PYGB: variants seen among roughly 807,000 people sequenced by gnomAD.
PYGB encodes the protein glycogen phosphorylase, brain form.
Under a neutral mutation model 94.3 loss-of-function variants are expected in PYGB, and 82 were observed. That is an observed-to-expected ratio of 0.87 (90% CI 0.73 to 1.04). The LOEUF is 1.04. PYGB is among the 50% of genes least tolerant of loss of function. PYGB has a pLI of 0.00. For missense variants in PYGB, 1,132 were observed against 1,158.2 expected (o/e 0.98, Z 0.33); for synonymous variants, 488 against 479.1 (o/e 1.02, Z -0.24).
At chr20:25,270,194 TTG>T (rs1491015835) in intron 3 of PYGB, among the ~76,000 whole-genome samples, 3,690 of 120,920 alleles carry the variant, frequency 0.031, 184 homozygotes, top group African/African-American at 0.14. Flanking sequence ...GAAGTTTTTT[TTG>T]TTTTGTTTTG....
chr20:25,280,022 G>A (rs551048703), intron 9 of PYGB, among the ~76,000 whole-genome samples: 2 of 152,368 alleles, frequency 1.3e-5, no homozygotes, highest in East Asian at 1.9e-4. Context: ...TTATTTGTGT[G>A]TGTGTCACGC....
chr20:25,268,245 GA>G (rs2088236978), intron 2 of PYGB, among the ~76,000 whole-genome samples: 1 of 133,158 alleles, frequency 7.5e-6, no homozygotes, highest in African/African-American at 2.9e-5. Flanking sequence ...ACAGTAATTT[GA>G]AATTTTACCC....
chr20:25,274,226 T>C (rs923225518), intron 4 of PYGB, among the ~76,000 whole-genome samples: 1 of 152,248 alleles, frequency 6.6e-6, no homozygotes. Flanking sequence ...GTGCAGGTGC[T>C]TGTTCTGAAC....
intron 1 of PYGB, among the ~76,000 whole-genome samples, chr20:25,249,643 T>G (rs904055031): frequency 5.3e-5 from 8 of 152,248 alleles, no homozygotes; most frequent in African/African-American, 1.9e-4. Context: ...ACATTCTTTT[T>G]TCTAAAATGG....
chr20:25,256,361 A>G (rs1216682365), intron 1 of PYGB, among the ~76,000 whole-genome samples: 3 of 151,688 alleles, frequency 2.0e-5, no homozygotes, highest in African/African-American at 7.3e-5. Flanking sequence ...CTGGTTGTGT[A>G]GGCTTTGCAT....
intron 1 of PYGB, among the ~76,000 whole-genome samples, chr20:25,258,960 T>A (rs2092907885): frequency 6.6e-6 from 1 of 152,240 alleles, no homozygotes; most frequent in Non-Finnish European, 1.5e-5. Flanking sequence ...CAACCTGCCC[T>A]GCCTCCCCAC....
intron 4 of PYGB, among the ~76,000 whole-genome samples, chr20:25,273,459 C>T (rs7274919): frequency 0.073 from 11,044 of 152,198 alleles, 1,288 homozygotes; most frequent in African/African-American, 0.25. Context: ...AGAGGAAATC[C>T]CTCAGTGTAG....
chr20:25,287,873 C>T (rs976745736), intron 14 of PYGB, among the ~76,000 whole-genome samples: 13 of 151,918 alleles, frequency 8.6e-5, no homozygotes, highest in African/African-American at 3.1e-4. Flanking sequence ...CCCAGCTACT[C>T]AGGAGGCTGA....
At chr20:25,289,534 T>A (rs1302281374) in intron 15 of PYGB, among the ~76,000 whole-genome samples, 1 of 152,010 alleles carries the variant, frequency 6.6e-6, no homozygotes, top group African/African-American at 2.4e-5. Context: ...TAGTCCCAGT[T>A]ACTTGGGAGG....
rs375208083 is a variant in PYGB at position 25,294,256 on chromosome 20, T to C, written c.2276T>C (p.Phe759Ser). 2.0e-5 allele frequency: 28 copies of C among 1,428,830 alleles called. No homozygotes were observed. The highest frequency in any genetic ancestry group is 2.5e-5 in the Non-Finnish European group (27 of 1,064,368). The allele number at this position is 1,428,830 out of a possible 1,614,324, so 88.5% of individuals were successfully genotyped here. A position where few individuals can be genotyped will look rare whatever the true frequency, so the allele number is the denominator to read the frequency against. The change falls in exon 18 of 20, where the codon TTC becomes TCC. Residue 759 changes from phenylalanine to serine, a missense_variant. Coordinates refer to ENST00000216962, the MANE Select transcript of PYGB (RefSeq NM_002862.4). The part of the protein sequence containing the change: ...GFFSPKEPDC[F>S]KDIVNMLMHH... ...TTTTCTCCCAAGGAGCCAGACTGCT[T>C]CAAGGACATCGTGAACATGCTGATG...
At position 25,292,413 on chromosome 20, in the gene PYGB, G is replaced by T. The variant is rs143059247; in HGVS notation, c.1977G>T (p.Pro659=). ...YRVSLAEKVI[P]AADLSQQIST... ...ACGGGCTCCCCTCCACAGTGATCCC[G>T]GCCGCTGATCTGTCGCAGCAGATCT... Residue 659 remains proline (P), a synonymous_variant, in exon 17 of 20, where the codon CCG becomes CCT. Transcript: ENST00000216962. 1 of 1,612,982 alleles carries T rather than the reference G, an allele frequency of 6.2e-7. No homozygotes were observed. The highest frequency in any genetic ancestry group is 1.3e-5 in the African/African-American group (1 of 75,012).
rs1340972492 is a variant in PYGB at position 25,280,423 on chromosome 20, G to A, written c.1239+11G>A. 6.2e-7 allele frequency: 1 copy of A among 1,613,484 alleles called. No homozygotes were observed. The highest frequency in any genetic ancestry group is 8.5e-7 in the Non-Finnish European group (1 of 1,179,786). ...CAGCGGCACCTGGACGTGAGTGTGG[G>A]CCCAGCTGGCCGTGTAGGGTGGCGG... On this transcript the variant is annotated intron_variant, in intron 10 of 19. Transcript: ENST00000216962.
intron 1 of PYGB, among the ~76,000 whole-genome samples, chr20:25,252,362 G>C (rs754825651): frequency 1.3e-5 from 2 of 152,090 alleles, no homozygotes; most frequent in African/African-American, 4.8e-5. Flanking sequence ...ATGTCCCTCT[G>C]GGGGGGTCGG....
At chr20:25,248,659 G>A (rs2092878343) in intron 1 of PYGB, among the ~76,000 whole-genome samples, 1 of 146,624 alleles carries the variant, frequency 6.8e-6, no homozygotes, top group African/African-American at 2.8e-5. Flanking sequence ...GCGCCTGGCG[G>A]GGTCCGCCGT....
At chr20:25,269,282 C>A in intron 3 of PYGB, 75 bp downstream of exon 3, 1 of 1,266,440 alleles carries the variant, frequency 7.9e-7, no homozygotes, top group South Asian at 1.4e-5. Context: ...AGGCCAGGGT[C>A]AGGTAAATTG....
chr20:25,274,428 G>A (rs772767755), intron 4 of PYGB, among the ~76,000 whole-genome samples, 164 bp from the exon 5 acceptor site: 11 of 152,182 alleles, frequency 7.2e-5, no homozygotes, highest in Non-Finnish European at 1.2e-4. Context: ...TTTTACCCAC[G>A]TGGGCTTCGC....
chr20:25,280,156 G>A, intron 9 of PYGB, 110 bp from the exon 10 acceptor site: 1 of 1,361,642 alleles, frequency 7.3e-7, no homozygotes, highest in Non-Finnish European at 1.0e-6. Flanking sequence ...GGCCCTTCCT[G>A]GGGTACCCAG....
chr20:25,262,871 G>A (rs1199862777), intron 2 of PYGB, among the ~76,000 whole-genome samples: 5 of 152,128 alleles, frequency 3.3e-5, no homozygotes, highest in African/African-American at 7.2e-5. Flanking sequence ...GACAAAGAAG[G>A]CCATTACTTA....
Position 25,288,449 on chromosome 20 carries a change from C to G in PYGB, c.1793C>G (p.Ala598Gly), listed in dbSNP as rs779141208. The change falls in exon 15 of 20, where the codon GCT becomes GGT. Residue 598 changes from alanine (A) to glycine (G), a missense_variant. Physicochemically the swap from Ala to Gly is moderately conservative, Grantham distance 60. Coordinates refer to ENST00000216962, the MANE Select transcript of PYGB (RefSeq NM_002862.4). Reference protein sequence around the residue: ...YNRIKRDPAKAFVPRTVMIGG... With the variant: ...YNRIKRDPAKGFVPRTVMIGG... ...GGAATCAAGAGAGACCCGGCCAAGG[C>G]TTTTGTGCCCAGGACTGTTATGATT... 9.9e-6 allele frequency: 16 copies of G among 1,614,020 alleles called. No homozygotes were observed. The highest frequency in any genetic ancestry group is 1.3e-5 in the Non-Finnish European group (15 of 1,180,032).
Sources: allele counts gnomAD v4.1 joint callset (sites outside exome capture counted in the v4.1 genomes callset), GRCh38; gene constraint gnomAD v4.1.1; transcripts MANE v1.5; gene names NCBI Gene and HGNC (gene_info 2026-07-23, HGNC 2026-07-21).